The following UBR4 variants were observed in gnomAD, a reference collection of about 807,000 sequenced individuals.
UBR4 encodes ubiquitin protein ligase E3 component n-recognin 4, also known as E3 ubiquitin-protein ligase UBR4.
UBR4 carries 124 observed loss-of-function variants against 575.6 expected under a neutral mutation model. That is an observed-to-expected ratio of 0.22 (90% confidence interval 0.19 to 0.25). The LOEUF is 0.25. Ranked by LOEUF, UBR4 falls within the 10% of genes least tolerant of loss-of-function variation. The pLI is 1.00. For synonymous variants in UBR4, 2,455 were observed against 2,473.7 expected (o/e 0.99, Z 0.22); for missense variants, 4,818 against 6,478.8 (o/e 0.74, Z 8.80).
In UBR4 at chr1:19,199,772, A is replaced by G; in HGVS notation, c.275-18T>C. 6.2e-7 allele frequency: 1 copy of G among 1,608,716 alleles called. No homozygotes were observed. Among genetic ancestry groups the G allele is most frequent in the Middle Eastern group, 1.7e-4 (1 of 6,056 alleles). ...CCGGGGAACTGAGAAAGTAATAAACATTACTCAATTTCAGACTGCTCAGCG... is the reference window on the plus strand; with the variant it reads ...CCGGGGAACTGAGAAAGTAATAAACGTTACTCAATTTCAGACTGCTCAGCG... On this transcript the variant is annotated intron_variant, in intron 2 of 105. Coordinates refer to ENST00000375254, the MANE Select transcript of UBR4 (RefSeq NM_020765.3).
In UBR4 at chr1:19,117,992, A is replaced by T; in HGVS notation, c.10542-82T>A. On this transcript the variant is annotated intron_variant, in intron 71 of 105. Transcript: ENST00000375254. This position sits in a 1 kb window ranked among gnomAD's most constrained non-coding sequence, Gnocchi z 4.0. ...TTCACAAAAAAATCATGACAAAGCC[A>T]TGGCTCAATGTGAGCCAAAGTGAGC... The T allele has an allele frequency of 1.4e-6, 2 of 1,387,308 alleles. No individual in the cohort carries two copies. The highest frequency in any genetic ancestry group is 2.0e-6 in the Non-Finnish European group (2 of 981,392). 85.9% of individuals were successfully genotyped at this position (1,387,308 alleles called of 1,614,324 possible).
intron 73 of UBR4, among the ~76,000 whole-genome samples, chr1:19,115,983 C>T (rs2080479174): frequency 6.6e-6 from 1 of 152,174 alleles, no homozygotes. Flanking sequence ...GCCAAGTTCC[C>T]ATCCTGACAG....
intron 60 of UBR4, among the ~76,000 whole-genome samples, chr1:19,134,365 TGCAGTTA>T (rs1231943773): frequency 6.6e-6 from 1 of 152,160 alleles, no homozygotes; most frequent in Non-Finnish European, 1.5e-5. Flanking sequence ...CATTCAAGGT[TGCAGTTA>T]GCTATGATTG....
chr1:19,210,205 G>A lies in UBR4; in HGVS notation c.44C>T (p.Ala15Val). The A allele has an allele frequency of 6.9e-7, 1 of 1,459,730 alleles. No individual in the cohort carries two copies. Among genetic ancestry groups the A allele is most frequent in the Non-Finnish European group, 9.0e-7 (1 of 1,110,346 alleles). 90.4% of individuals were successfully genotyped at this position (1,459,730 alleles called of 1,614,324 possible). The change falls in exon 1 of 106, where the codon GCG becomes GTG. Residue 15 changes from alanine (A) to valine (V), a missense_variant. Transcript: ENST00000375254. Reference protein sequence around the residue: ...GGEEAAAAAPAPGTPATGADT... With the variant: ...GGEEAAAAAPVPGTPATGADT... ...CGCCCCCGTTGCCGGGGTCCCCGGC[G>A]CCGGAGCCGCTGCCGCCGCCTCTTC... is the stretch of plus-strand genomic sequence containing the variant.
chr1:19,194,393 T>C (rs573122495), intron 8 of UBR4, among the ~76,000 whole-genome samples: 42 of 152,286 alleles, frequency 2.8e-4, no homozygotes, highest in African/African-American at 9.9e-4. Flanking sequence ...GAGGTTGATG[T>C]GGGAGGATCA....
At chr1:19,198,518 G>A (rs994425562) in intron 5 of UBR4, 23 bp downstream of exon 5, 44 of 1,604,592 alleles carry the variant, frequency 2.7e-5, no homozygotes, top group Admixed American at 3.4e-5. Flanking sequence ...CAGAGAAGAA[G>A]ACATTTGACT....
At chr1:19,091,308 C>G (rs1052307943) in intron 97 of UBR4, among the ~76,000 whole-genome samples, 2 of 152,096 alleles carry the variant, frequency 1.3e-5, no homozygotes, top group Admixed American at 6.6e-5. Context: ...CTGAGTTGAA[C>G]AGAAGTTTAG....
Position 19,157,348 on chromosome 1 carries a change from G to A in UBR4, c.5761-423C>T, listed in dbSNP as rs191327773. ...AGAAAAGTGTGAGTTAAGATACCTA[G>A]CACTCTTCCAACTTCTACTAGCTCT... On this transcript the variant is annotated intron_variant, in intron 40 of 105. Coordinates refer to ENST00000375254, the MANE Select transcript of UBR4 (RefSeq NM_020765.3). This position sits in a 1 kb window ranked among gnomAD's most constrained non-coding sequence, Gnocchi z 4.4. 2.6e-5 allele frequency among the ~76,000 whole-genome samples: 4 copies of A among 152,294 alleles called. No individual in the cohort carries two copies. In the East Asian group the frequency reaches 7.7e-4, roughly 29 times the overall value.
chr1:19,152,320 T>A lies in UBR4; in HGVS notation c.6989A>T (p.Asn2330Ile), dbSNP rs147127000. The change falls in exon 47 of 106, where the codon AAC (asparagine) becomes ATC (isoleucine). Residue 2330 changes from asparagine (N) to isoleucine (I), a missense_variant. By Grantham distance (149) the Asn-to-Ile change is moderately radical. This residue lies in a region of UBR4 where 461 missense variants were observed against 606.9 expected (regional missense o/e 0.76). Transcript: ENST00000375254. The surrounding 1 kb of genome is among the most constrained non-coding windows in gnomAD (Gnocchi z 4.4). ...RLNSTGMYVA[N>I]TKPGGFTIEI... ...GCCCAGTGCCATTCTTACCTTGGTG[T>A]TGGCCACATACATGCCAGTGGAATT... The A allele has an allele frequency of 1.2e-6, 2 of 1,614,000 alleles. No homozygotes were observed. Among genetic ancestry groups the A allele is most frequent in the Admixed American group, 3.3e-5 (2 of 60,024 alleles).
At chr1:19,166,373 C>T (rs1178477339) in intron 29 of UBR4, among the ~76,000 whole-genome samples, 1 of 152,182 alleles carries the variant, frequency 6.6e-6, no homozygotes, top group Non-Finnish European at 1.5e-5. Flanking sequence ...TTTCAGTGAG[C>T]TCCTCTGTCC....
At chr1:19,207,164 G>C (rs1048642624) in intron 1 of UBR4, among the ~76,000 whole-genome samples, 1 of 152,202 alleles carries the variant, frequency 6.6e-6, no homozygotes, top group Admixed American at 6.5e-5. Flanking sequence ...CAGAAGATGG[G>C]AGTGGCAACA....
At chr1:19,083,490 C>A (rs570502517) in intron 102 of UBR4, among the ~76,000 whole-genome samples, 17 of 152,290 alleles carry the variant, frequency 1.1e-4, no homozygotes, top group African/African-American at 3.9e-4. Flanking sequence ...GGCCTACAAG[C>A]ATGAAACAGT....
intron 92 of UBR4, 52 bp downstream of exon 92, chr1:19,096,471 C>T: frequency 6.3e-7 from 1 of 1,587,506 alleles, no homozygotes; most frequent in Non-Finnish European, 8.6e-7. Context: ...TCCACAGGGG[C>T]CTCTCCCAGT....
intron 18 of UBR4, among the ~76,000 whole-genome samples, chr1:19,178,061 C>T (rs1411567222): frequency 6.6e-6 from 1 of 152,130 alleles, no homozygotes; most frequent in East Asian, 1.9e-4. Context: ...AAAAGTACTA[C>T]AAGCTCCCCC....
chr1:19,107,164 T>C (rs1024914472), intron 81 of UBR4, among the ~76,000 whole-genome samples, 198 bp from the exon 82 acceptor site: 1 of 152,192 alleles, frequency 6.6e-6, no homozygotes, highest in Non-Finnish European at 1.5e-5. Context: ...CATCTCCACA[T>C]TGAGCTTAAG....
intron 97 of UBR4, among the ~76,000 whole-genome samples, chr1:19,091,298 C>T (rs1018951834): frequency 6.6e-6 from 1 of 152,174 alleles, no homozygotes; most frequent in African/African-American, 2.4e-5. Flanking sequence ...TATGACTCCA[C>T]TGAGTTGAAC....
intron 64 of UBR4, 124 bp downstream of exon 64, chr1:19,126,322 A>G: frequency 8.8e-7 from 1 of 1,140,040 alleles, no homozygotes; most frequent in South Asian, 1.4e-5. Flanking sequence ...AACCCCCACC[A>G]AGGAATGCCG....
intron 103 of UBR4, 44 bp downstream of exon 103, chr1:19,081,305 T>C: frequency 5.3e-6 from 8 of 1,507,868 alleles, no homozygotes; most frequent in Non-Finnish European, 6.2e-6. Context: ...TCAAAACTGA[T>C]GATGGGAAAT....
rs2085948540 is a variant in UBR4, at chr1:19,153,028, G to A, written c.6832+273C>T. Among the ~76,000 whole-genome samples the A allele has an allele frequency of 6.6e-6, 1 of 152,208 alleles. No individual in the cohort carries two copies. The highest frequency in any genetic ancestry group is 1.5e-5 in the Non-Finnish European group (1 of 68,038). On this transcript the variant is annotated intron_variant, in intron 46 of 105. Transcript: ENST00000375254. The surrounding 1 kb of genome is among the most constrained non-coding windows in gnomAD (Gnocchi z 4.1). Reference sequence around the variant, plus strand: ...ATACTTCAATCAGTTCTTCAGGGAAGTCATTCTCCTAAACCTAGAGAGAAC... The same window carrying A: ...ATACTTCAATCAGTTCTTCAGGGAAATCATTCTCCTAAACCTAGAGAGAAC...
Sources: allele counts gnomAD v4.1 joint callset (sites outside exome capture counted in the v4.1 genomes callset), GRCh38; gene constraint gnomAD v4.1.1; regional missense constraint gnomAD v4.1.1; non-coding constraint Gnocchi (gnomAD v3.1); transcripts MANE v1.5; gene names NCBI Gene and HGNC (gene_info 2026-07-23, HGNC 2026-07-21).